LMLN: variants seen among roughly 807,000 people sequenced by gnomAD.
The protein encoded by LMLN is leishmanolysin like peptidase, also known as leishmanolysin-like peptidase.
Under a neutral mutation model 92.3 loss-of-function variants are expected in LMLN, and 70 were observed. The observed-to-expected ratio is 0.76, with a 90% CI of 0.63 to 0.92. The LOEUF (loss-of-function observed/expected upper bound fraction) is 0.92, where lower values mean the gene tolerates loss of function less well. Among genes scored for constraint, LMLN ranks in the 40% least tolerant of loss-of-function variants. The probability of loss-of-function intolerance (pLI) is 0.00; values close to 1 mark genes in which losing one functional copy is unlikely to be tolerated. For missense variants in LMLN, 691 were observed against 814.6 expected, an observed-to-expected ratio of 0.85 and a Z score of 1.85; for synonymous variants, 308 against 296.2, an observed-to-expected ratio of 1.04 and a Z score of -0.41.
intron 11 of LMLN, among the ~76,000 whole-genome samples, chr3:198,014,303 G>A (rs1183042149): frequency 7.8e-6 from 1 of 128,646 alleles, no homozygotes; most frequent in African/African-American, 3.2e-5. Context: ...TAACTAGTCT[G>A]ACTTCTCTCC....
chr3:198,033,296 T>C (rs1723125199), intron 14 of LMLN, among the ~76,000 whole-genome samples: 1 of 152,192 alleles, frequency 6.6e-6, no homozygotes, highest in South Asian at 2.1e-4. Context: ...GTTTCTAATA[T>C]TTGTTCTTGT....
At chr3:197,987,893 A>G (rs1581146981) in intron 8 of LMLN, among the ~76,000 whole-genome samples, 1 of 140,280 alleles carries the variant, frequency 7.1e-6, no homozygotes, top group African/African-American at 2.6e-5. Flanking sequence ...ATGGTATCTC[A>G]TTGTTGTATT....
chr3:198,022,900 A>G (rs939649082), intron 13 of LMLN, among the ~76,000 whole-genome samples: 5 of 152,134 alleles, frequency 3.3e-5, no homozygotes, highest in African/African-American at 7.2e-5. Flanking sequence ...ACAACTTATA[A>G]CCACTCAGCA....
intron 1 of LMLN, among the ~76,000 whole-genome samples, chr3:197,962,688 T>G (rs1444139428): frequency 1.3e-5 from 2 of 152,182 alleles, no homozygotes; most frequent in Admixed American, 1.3e-4. Context: ...TCTCCTGTGT[T>G]CTAGAAGCCT....
intron 14 of LMLN, among the ~76,000 whole-genome samples, chr3:198,029,152 A>G (rs1723012062): frequency 6.6e-6 from 1 of 152,164 alleles, no homozygotes; most frequent in African/African-American, 2.4e-5. Flanking sequence ...TTCTATAAAG[A>G]CGGTCAATAC....
Position 198,012,803 on chromosome 3 carries a change from C to G in LMLN, c.1233-6450C>G, listed in dbSNP as rs558899717. ...ACTAGTCTGACTTCTCTGTACCCTT[C>G]AGAGCCCCCTAACTAGTCTGACTTC... On this transcript the variant is annotated intron_variant, in intron 11 of 15. Transcript: ENST00000330198. 8.0e-5 allele frequency among the ~76,000 whole-genome samples: 12 copies of G among 150,242 alleles called. No individual in the cohort carries two copies. In the South Asian group the frequency reaches 2.6e-3, roughly 32 times the overall value.
At chr3:197,968,649 G>T (rs568022547) in intron 1 of LMLN, among the ~76,000 whole-genome samples, 2 of 152,252 alleles carry the variant, frequency 1.3e-5, no homozygotes, top group Non-Finnish European at 2.9e-5. Flanking sequence ...CGCGCCTCCA[G>T]CCGGTCCCTC....
chr3:197,984,536 C>G (rs1469737707), intron 7 of LMLN, among the ~76,000 whole-genome samples: 1 of 151,946 alleles, frequency 6.6e-6, no homozygotes, highest in Non-Finnish European at 1.5e-5. Context: ...CCACTGCAGC[C>G]TCAGCCTCCT....
chr3:197,984,364 A>G (rs909352191), intron 7 of LMLN, among the ~76,000 whole-genome samples: 7 of 152,130 alleles, frequency 4.6e-5, no homozygotes, highest in Middle Eastern at 3.4e-3. Context: ...CCGACTTTGT[A>G]TCAAACAAAC....
chr3:198,039,312 A>T (rs1048832018), exon 16 of LMLN: 6 of 153,310 alleles, frequency 3.9e-5, no homozygotes. Context: ...AAAGTTCATC[A>T]TCCATATACT....
chr3:198,024,567 G>A (rs1722874676), intron 13 of LMLN, 91 bp from the exon 15 acceptor site: 1 of 1,191,916 alleles, frequency 8.4e-7, no homozygotes, highest in East Asian at 2.7e-5. Flanking sequence ...GATTTTTAAA[G>A]CAACTTTTAA....
intron 8 of LMLN, among the ~76,000 whole-genome samples, chr3:197,989,317 A>G (rs1721801567): frequency 6.6e-6 from 1 of 152,162 alleles, no homozygotes; most frequent in Non-Finnish European, 1.5e-5. Context: ...TGATTTCACC[A>G]AGTTGGGTGG....
chr3:197,965,518 G>C (rs1305474618), intron 1 of LMLN, among the ~76,000 whole-genome samples: 1 of 151,998 alleles, frequency 6.6e-6, no homozygotes, highest in Non-Finnish European at 1.5e-5. Flanking sequence ...TGGGATTATA[G>C]ACATGAGTCA....
chr3:197,982,711 A>G (rs1721594604), intron 6 of LMLN, among the ~76,000 whole-genome samples: 1 of 152,268 alleles, frequency 6.6e-6, no homozygotes, highest in Non-Finnish European at 1.5e-5. Context: ...TAAATATGTG[A>G]TTTCAAAGTA....
chr3:198,038,715 T>TACAA (rs749617090), exon 16 of LMLN: 1 of 1,430,156 alleles, frequency 7.0e-7, no homozygotes, highest in South Asian at 1.1e-5. Flanking sequence ...TATGTTCTTG[T>TACAA]GAACAAAGCA....
chr3:198,024,103 C>G (rs1310566416), intron 13 of LMLN, among the ~76,000 whole-genome samples: 1 of 152,084 alleles, frequency 6.6e-6, no homozygotes, highest in East Asian at 1.9e-4. Flanking sequence ...ATATATTTAA[C>G]CTAGAAAACG....
intron 7 of LMLN, 135 bp from the exon 8 acceptor site, chr3:197,985,661 G>A (rs77224512): frequency 0.056 from 28,082 of 502,276 alleles, 967 homozygotes; most frequent in African/African-American, 0.1. Context: ...CAATTCCAGC[G>A]TAGGAGAAGT....
intron 9 of LMLN, among the ~76,000 whole-genome samples, chr3:197,993,942 A>T (rs1209555225): frequency 1.3e-5 from 2 of 152,172 alleles, no homozygotes; most frequent in African/African-American, 4.8e-5. Context: ...ATAAATTATG[A>T]TTAATTTATT....
chr3:197,970,576 T>C (rs1212840610), intron 1 of LMLN, among the ~76,000 whole-genome samples: 1 of 152,084 alleles, frequency 6.6e-6, no homozygotes, highest in Non-Finnish European at 1.5e-5. Context: ...GAGTCCAGGG[T>C]TTTTATTGGA....
Sources: gnomAD v4.1 joint callset for allele counts (sites outside exome capture counted in the v4.1 genomes callset) on GRCh38, gnomAD v4.1.1 for gene constraint, MANE v1.5 for transcripts, NCBI Gene and HGNC (gene_info 2026-07-23, HGNC 2026-07-21) for gene names.